MOCOS: variants seen among roughly 807,000 people sequenced by gnomAD.
MOCOS encodes the protein molybdenum cofactor sulfurase.
Under a neutral mutation model 83.6 loss-of-function variants are expected in MOCOS, and 86 were observed. The observed-to-expected ratio is 1.03, with a 90% confidence interval of 0.86 to 1.23. The LOEUF (loss-of-function observed/expected upper bound fraction) is 1.23, where lower values mean the gene tolerates loss of function less well. Among genes scored for constraint, MOCOS ranks in the 50% most tolerant of loss-of-function variants. MOCOS has a pLI of 0.00. For synonymous variants in MOCOS, 445 were observed against 434.7 expected (o/e 1.02, Z -0.29); for missense variants, 1,120 against 1,126.9 (o/e 0.99, Z 0.09).
At chr18:36,219,927 C>G in intron 8 of MOCOS, 128 bp from the exon 9 acceptor site, 2 of 1,200,640 alleles carry the variant, frequency 1.7e-6, no homozygotes, top group Non-Finnish European at 2.4e-6. Context: ...TTCTCTTCCT[C>G]CCTTTCTTCC....
intron 6 of MOCOS, among the ~76,000 whole-genome samples, chr18:36,209,404 G>A (rs1230809316): frequency 1.3e-5 from 2 of 151,532 alleles, no homozygotes; most frequent in African/African-American, 4.8e-5. Flanking sequence ...TAAGTTCTTT[G>A]GTGATGGTTT....
intron 6 of MOCOS, among the ~76,000 whole-genome samples, chr18:36,212,306 G>A (rs1255269138): frequency 6.6e-6 from 1 of 152,206 alleles, no homozygotes; most frequent in East Asian, 1.9e-4. Context: ...CTACTTCACA[G>A]CAAAAGTAAC....
rs1555651387 is a variant in MOCOS at position 36,200,005 on chromosome 18, GGA to G, written c.624_625del (p.Val209GlnfsTer55). The G allele has an allele frequency of 1.9e-6, 3 of 1,614,134 alleles. No homozygotes were observed. The highest frequency in any genetic ancestry group is 2.5e-6 in the Non-Finnish European group (3 of 1,180,058). ...CTACCCAGCTCAGAGTAACTTTTCT[GGA>G]GTCAGATACCCCCTGTCCTGGATAG... Reference protein sequence around the residue: ...FCYPAQSNFSGVRYPLSWIEE... With the variant: ...FCYPAQSNFSXVRYPLSWIEE... On this transcript the variant is annotated frameshift_variant, in exon 4 of 15. Transcript: ENST00000261326. LOFTEE classifies it high-confidence loss of function.
At chr18:36,251,320 C>A in intron 11 of MOCOS, 37 bp downstream of exon 11, 2 of 1,610,186 alleles carry the variant, frequency 1.2e-6, no homozygotes, top group East Asian at 2.2e-5. Context: ...AGAACAGGAA[C>A]CCTGGCTTAC....
intron 9 of MOCOS, among the ~76,000 whole-genome samples, chr18:36,225,313 A>C (rs1193112523): frequency 6.6e-6 from 1 of 151,898 alleles, no homozygotes; most frequent in Non-Finnish European, 1.5e-5. Context: ...CACCATGCCC[A>C]GCTAATTTTT....
intron 9 of MOCOS, among the ~76,000 whole-genome samples, chr18:36,234,437 G>A (rs1167565411): frequency 1.3e-5 from 2 of 152,112 alleles, no homozygotes; most frequent in East Asian, 3.8e-4. Context: ...CAGTAGCCTT[G>A]TATTATAGTT....
At chr18:36,201,155 C>T (rs1360320768) in intron 4 of MOCOS, among the ~76,000 whole-genome samples, 3 of 152,114 alleles carry the variant, frequency 2.0e-5, no homozygotes, top group Non-Finnish European at 4.4e-5. Flanking sequence ...CCGGAGAAGG[C>T]CTGGGGCATA....
rs555145311 is a variant in MOCOS, at chr18:36,193,317, C to CAA, written c.143-1903_143-1902dup. Among the ~76,000 whole-genome samples, 150 of 38,306 alleles carry CAA rather than the reference C, an allele frequency of 3.9e-3. 45 individuals carry two copies. Among genetic ancestry groups the CAA allele is most frequent in the Admixed American group, 0.013 (28 of 2,092 alleles). 25.1% of individuals were successfully genotyped at this position (38,306 alleles called of 152,430 possible). On this transcript the variant is annotated intron_variant, in intron 1 of 14. Coordinates refer to ENST00000261326, the MANE Select transcript of MOCOS (RefSeq NM_017947.4). ...TGGGCGACAGAGCGAGACTCCGTCT[C>CAA]AAAAAAAAAAAAAAAAAAAAAAAAA...
chr18:36,268,519 T>G lies in MOCOS; in HGVS notation c.2515-14T>G, dbSNP rs1435899256. The stretch of plus-strand genomic sequence containing the variant: ...ATCTAGCCTTTTTTGTTGTTGTTGC[T>G]GTTTTGTTCACAGGTGAACTTTGGC... On this transcript the variant is annotated splice_polypyrimidine_tract_variant and intron_variant, in intron 14 of 14. Transcript: ENST00000261326. 1.2e-5 allele frequency: 19 copies of G among 1,614,180 alleles called. No individual in the cohort carries two copies. Among genetic ancestry groups the G allele is most frequent in the Non-Finnish European group, 1.6e-5 (19 of 1,180,030 alleles).
At chr18:36,223,606 C>T (rs56262953) in intron 9 of MOCOS, among the ~76,000 whole-genome samples, 49,563 of 151,918 alleles carry the variant, frequency 0.33, 8,666 homozygotes, top group South Asian at 0.56. Flanking sequence ...ATTTTAGGAT[C>T]GTTCTTTCTA....
At chr18:36,249,141 T>A in intron 10 of MOCOS, 141 bp downstream of exon 10, 1 of 762,866 alleles carries the variant, frequency 1.3e-6, no homozygotes, top group Non-Finnish European at 2.3e-6. Context: ...TGCTTCTCTC[T>A]AACCACACTC....
chr18:36,258,382 C>T (rs1021808759), intron 12 of MOCOS, among the ~76,000 whole-genome samples: 6 of 152,068 alleles, frequency 3.9e-5, no homozygotes, highest in Non-Finnish European at 8.8e-5. Flanking sequence ...TTTACGAAGC[C>T]CAAAGTGAGG....
At chr18:36,235,302 C>G (rs1243363533) in intron 9 of MOCOS, among the ~76,000 whole-genome samples, 4 of 120,780 alleles carry the variant, frequency 3.3e-5, no homozygotes, top group Non-Finnish European at 5.0e-5. Flanking sequence ...CCACAACAGT[C>G]CCCAGAGTGT....
Position 36,220,097 on chromosome 18 carries a change from C to T in MOCOS, c.1840C>T (p.Arg614Trp), listed in dbSNP as rs376215901. The T allele has an allele frequency of 6.9e-5, 112 of 1,613,668 alleles. No individual in the cohort carries two copies. The highest frequency in any genetic ancestry group is 8.9e-5 in the Non-Finnish European group (105 of 1,180,038). Residue 614 changes from arginine (R) to tryptophan (W), a missense_variant, in exon 9 of 15, where the codon CGG becomes TGG. Transcript: ENST00000261326. Reference protein sequence around the residue: ...PVGNQGLLYDRSWMVVNHNGV... With the variant: ...PVGNQGLLYDWSWMVVNHNGV... ...AGGAAACCAAGGGCTGCTATATGAC[C>T]GGAGCTGGATGGTTGTGAATCACAA...
chr18:36,228,378 G>T (rs146765769), intron 9 of MOCOS, among the ~76,000 whole-genome samples: 1 of 152,104 alleles, frequency 6.6e-6, no homozygotes, highest in Non-Finnish European at 1.5e-5. Flanking sequence ...ACACATGCAT[G>T]CATACGTACA....
rs1162536326 is a variant in MOCOS at position 36,213,424 on chromosome 18, C to G, written c.1277C>G (p.Thr426Ser). 1.2e-6 allele frequency: 2 copies of G among 1,614,130 alleles called. No homozygotes were observed. The highest frequency in any genetic ancestry group is 2.2e-5 in the South Asian group (2 of 91,072). Residue 426 changes from threonine (T) to serine (S), a missense_variant, in exon 7 of 15, where the codon ACT (threonine) becomes AGT (serine). Thr to Ser is a moderately conservative substitution (Grantham distance 58, BLOSUM62 1). Transcript: ENST00000261326. The part of the protein sequence containing the change: ...IHLRTGCFCN[T>S]GACQRHLGIS... ...CTGCGAACTGGCTGCTTCTGTAACA[C>G]TGGGGCCTGCCAGAGGCACCTGGGC...
intron 9 of MOCOS, among the ~76,000 whole-genome samples, chr18:36,233,052 G>A (rs1203736299): frequency 6.6e-6 from 1 of 151,792 alleles, no homozygotes; most frequent in Non-Finnish European, 1.5e-5. Flanking sequence ...ATAGTTTTTG[G>A]GAAACAGGTG....
chr18:36,271,594 C>T lies in MOCOS; in HGVS notation c.*2909C>T, dbSNP rs2091699393. On this transcript the variant is annotated 3_prime_UTR_variant, in exon 15 of 15. Coordinates refer to ENST00000261326, the MANE Select transcript of MOCOS (RefSeq NM_017947.4). ...CAAAATCAAAGACAATGTCATGTCC[C>T]TTGAATTTAATTCTAACACCAAACC... 6.6e-6 allele frequency: 1 copy of T among 152,092 alleles called. No individual in the cohort carries two copies. The highest frequency in any genetic ancestry group is 6.5e-5 in the Admixed American group (1 of 15,270). The allele number at this position is 152,092 out of a possible 1,614,324, so 9.4% of individuals were successfully genotyped here.
At position 36,200,305 on chromosome 18, in the gene MOCOS, A is replaced by C. The variant is rs908417297; in HGVS notation, c.922A>C (p.Arg308=). 2 of 1,614,084 alleles carry C rather than the reference A, an allele frequency of 1.2e-6. No individual in the cohort carries two copies. Among genetic ancestry groups the C allele is most frequent in the Admixed American group, 3.3e-5 (2 of 60,010 alleles). ...AGCAGGAGAAGACTTCTACATCCCGAGGCAGTCGGTAGCTCAGAGGTAACC... is the reference window on the plus strand; with the variant it reads ...AGCAGGAGAAGACTTCTACATCCCGCGGCAGTCGGTAGCTCAGAGGTAACC... ...YLAGEDFYIP[R]QSVAQRFEDG... is the part of the protein sequence containing the mutation. Residue 308 remains arginine (R), a synonymous_variant, in exon 4 of 15, where the codon AGG becomes CGG. Coordinates refer to ENST00000261326, the MANE Select transcript of MOCOS (RefSeq NM_017947.4).
Sources: allele counts gnomAD v4.1 joint callset (sites outside exome capture counted in the v4.1 genomes callset), GRCh38; gene constraint gnomAD v4.1.1; transcripts MANE v1.5; gene names NCBI Gene and HGNC (gene_info 2026-07-23, HGNC 2026-07-21).